Variants in GTF2F1 observed in about 807,000 individuals in gnomAD.
The protein encoded by GTF2F1 is general transcription factor IIF 74 kDa subunit.
Under a neutral mutation model 63.5 loss-of-function variants are expected in GTF2F1, and 39 were observed. The ratio of observed to expected loss-of-function variants is 0.61; its 90% CI spans 0.48 to 0.80. The LOEUF is 0.80. Among genes scored for constraint, GTF2F1 ranks in the 30% least tolerant of loss-of-function variants. The pLI is 0.00. For missense variants in GTF2F1, 657 were observed against 718.3 expected (o/e 0.91, Z 0.97); for synonymous variants, 287 against 285.3 (o/e 1.01, Z -0.06).
In GTF2F1 at chr19:6,380,760, G is replaced by T. The variant is rs1218668749; in HGVS notation, c.1232-70C>A. On this transcript the variant is annotated intron_variant, in intron 11 of 12. Coordinates refer to ENST00000394456, the MANE Select transcript of GTF2F1 (RefSeq NM_002096.3). The surrounding 1 kb of genome is among the most constrained non-coding windows in gnomAD (Gnocchi z 5.3). ...AACCCCTGGGCAGGACCCCAGGCTG[G>T]GCAGTGCCAGGATTAGGGTTCAAGG... 1 of 1,564,040 alleles carries T rather than the reference G, an allele frequency of 6.4e-7. No individual in the cohort carries two copies. The highest frequency in any genetic ancestry group is 2.2e-5 in the East Asian group (1 of 44,592).
chr19:6,390,753 G>A (rs1040326310), intron 3 of GTF2F1, among the ~76,000 whole-genome samples: 6 of 151,554 alleles, frequency 4.0e-5, no homozygotes, highest in South Asian at 2.1e-4. Context: ...GGTGGTGGGC[G>A]CCTGTAATCC....
intron 2 of GTF2F1, chr19:6,392,294 C>T (rs576420677): frequency 1.8e-5 from 9 of 492,088 alleles, no homozygotes; most frequent in Non-Finnish European, 2.4e-5. Flanking sequence ...CCCATCCTCT[C>T]CTGACCCCAG....
Position 6,380,789 on chromosome 19 carries a change from T to A in GTF2F1, c.1232-99A>T. ...GTGCCAGGATTAGGGTTCAAGGGGA[T>A]CAGGGAGAGACAGGCCTCCACCCGC... On this transcript the variant is annotated intron_variant, in intron 11 of 12. Coordinates refer to ENST00000394456, the MANE Select transcript of GTF2F1 (RefSeq NM_002096.3). The surrounding 1 kb of genome is among the most constrained non-coding windows in gnomAD (Gnocchi z 5.3). The A allele has an allele frequency of 2.0e-6, 3 of 1,528,134 alleles. No individual in the cohort carries two copies. Among genetic ancestry groups the A allele is most frequent in the Non-Finnish European group, 2.7e-6 (3 of 1,128,092 alleles). 94.7% of individuals were successfully genotyped at this position (1,528,134 alleles called of 1,614,324 possible). A position where few individuals can be genotyped will look rare whatever the true frequency, so the allele number is the denominator to read the frequency against.
At chr19:6,388,155 CCT>C (rs1330493474) in intron 4 of GTF2F1, among the ~76,000 whole-genome samples, 2 of 151,246 alleles carry the variant, frequency 1.3e-5, no homozygotes, top group Non-Finnish European at 3.0e-5. Flanking sequence ...GTTTCGAACC[CCT>C]GACCCCACGT....
chr19:6,382,776 T>C (rs564372877), intron 6 of GTF2F1, among the ~76,000 whole-genome samples: 108 of 133,920 alleles, frequency 8.1e-4, no homozygotes, highest in Non-Finnish European at 8.5e-4. Context: ...CCAGCCCATG[T>C]GAGAGAGAGA....
rs557666933 is a variant in GTF2F1, at chr19:6,380,945, G to A, written c.1190C>T (p.Thr397Ile). The part of the protein sequence containing the change: ...PGTPSAEGGS[T>I]SSTLRAAASK... ...GGCAGCCGCCCGCAGGGTGGAGGAG[G>A]TGCTGCCACCCTCTGCGCTGGGCGT... The change falls in exon 11 of 13, where the codon ACC (threonine) becomes ATC (isoleucine). Residue 397 changes from threonine to isoleucine, a missense_variant. Physicochemically the swap from Thr to Ile is moderately conservative, Grantham distance 89. Transcript: ENST00000394456. This position sits in a 1 kb window ranked among gnomAD's most constrained non-coding sequence, Gnocchi z 5.3. The A allele has an allele frequency of 2.8e-4, 452 of 1,588,790 alleles. 3 individuals carry two copies. The South Asian group carries it at 4.9e-3, about 17-fold the overall frequency.
chr19:6,386,514 A>C (rs762221784), intron 5 of GTF2F1, among the ~76,000 whole-genome samples: 42 of 152,094 alleles, frequency 2.8e-4, no homozygotes, highest in Non-Finnish European at 5.4e-4. Flanking sequence ...GGCAACATCT[A>C]GGATCACTGC....
At chr19:6,382,921 A>G (rs1014419680) in intron 6 of GTF2F1, among the ~76,000 whole-genome samples, 1 of 151,564 alleles carries the variant, frequency 6.6e-6, no homozygotes, top group African/African-American at 2.4e-5. Context: ...TTTTTCTCTG[A>G]GACGGAGTCT....
chr19:6,382,970 C>T (rs1292966318), intron 6 of GTF2F1, among the ~76,000 whole-genome samples: 4 of 152,040 alleles, frequency 2.6e-5, no homozygotes, highest in African/African-American at 7.2e-5. Context: ...GGCGTGATCT[C>T]GGCTCAACAC....
At position 6,392,841 on chromosome 19, in the gene GTF2F1, G is replaced by A. The variant is rs1418721748; in HGVS notation, c.59+16C>T. On this transcript the variant is annotated intron_variant, in intron 2 of 12. Transcript: ENST00000394456. Reference sequence around the variant, plus strand: ...TGGGGGGTGGAGAGGAGTGGGAGATGGGGCTGGGGACTTACTTAGGAACTC... The same window carrying A: ...TGGGGGGTGGAGAGGAGTGGGAGATAGGGCTGGGGACTTACTTAGGAACTC... The A allele has an allele frequency of 1.9e-6, 3 of 1,611,552 alleles. No homozygotes were observed. The South Asian group carries it at 3.3e-5, about 18-fold the overall frequency.
chr19:6,381,240 C>T lies in GTF2F1; in HGVS notation c.1019-45G>A, dbSNP rs759088805. 7 of 1,574,684 alleles carry T rather than the reference C, an allele frequency of 4.4e-6. No homozygotes were observed. In the Admixed American group the frequency reaches 7.4e-5, roughly 17 times the overall value. On this transcript the variant is annotated intron_variant, in intron 9 of 12. Coordinates refer to ENST00000394456, the MANE Select transcript of GTF2F1 (RefSeq NM_002096.3). This position sits in a 1 kb window ranked among gnomAD's most constrained non-coding sequence, Gnocchi z 4.1. ...GGTCAGGGCCAGAGCAACCCCGGGACCCGGTGCCCACTGGTGCCTCCACTG... is the reference window on the plus strand; with the variant it reads ...GGTCAGGGCCAGAGCAACCCCGGGATCCGGTGCCCACTGGTGCCTCCACTG...
Position 6,387,400 on chromosome 19 carries a change from C to T in GTF2F1, c.486G>A (p.Glu162=), listed in dbSNP as rs761396238. 1.2e-4 allele frequency: 198 copies of T among 1,613,976 alleles called. No individual in the cohort carries two copies. The highest frequency in any genetic ancestry group is 1.6e-4 in the Non-Finnish European group (187 of 1,179,954). The part of the protein sequence containing the change: ...HRTLTAEEAE[E]EWERRNKVLN... ...CCCAGCCCACTCACCTCTCCCACTC[C>T]TCCTCGGCCTCCTCGGCAGTGAGCG... The change falls in exon 5 of 13, where the codon GAG becomes GAA. Residue 162 remains glutamate (E), a synonymous_variant. Coordinates refer to ENST00000394456, the MANE Select transcript of GTF2F1 (RefSeq NM_002096.3).
intron 3 of GTF2F1, 88 bp downstream of exon 3, chr19:6,391,814 G>T: frequency 3.0e-6 from 2 of 671,060 alleles, no homozygotes; most frequent in South Asian, 1.8e-5. Flanking sequence ...TAGTGACTAT[G>T]ACAGTTAAGC....
Position 6,383,367 on chromosome 19 carries a change from T to G in GTF2F1, c.626A>C (p.Asp209Ala), listed in dbSNP as rs780260547. The change falls in exon 6 of 13, where the codon GAC (aspartate) becomes GCC (alanine). Residue 209 changes from aspartate (D) to alanine (A), a missense_variant. Physicochemically the swap from Asp to Ala is moderately radical, Grantham distance 126. Transcript: ENST00000394456. The surrounding 1 kb of genome is among the most constrained non-coding windows in gnomAD (Gnocchi z 4.5). ...RRKASELRIH[D>A]LEDDLEMSSD... ...CGACATCTCCAGGTCGTCCTCCAGGTCGTGGATGCGCAGCTCGCTCGCCTT... is the reference window on the plus strand; with the variant it reads ...CGACATCTCCAGGTCGTCCTCCAGGGCGTGGATGCGCAGCTCGCTCGCCTT... The G allele has an allele frequency of 3.2e-5, 51 of 1,614,096 alleles. 2 individuals carry two copies. In the South Asian group the frequency reaches 5.3e-4, roughly 17 times the overall value.
chr19:6,391,898 T>C lies in GTF2F1; in HGVS notation c.132+4A>G, dbSNP rs1220693957. 3.2e-6 allele frequency: 5 copies of C among 1,556,310 alleles called. No homozygotes were observed. Among genetic ancestry groups the C allele is most frequent in the Non-Finnish European group, 3.5e-6 (4 of 1,140,138 alleles). On this transcript the variant is annotated splice_donor_region_variant and intron_variant, in intron 3 of 12. Transcript: ENST00000394456. ...CCCCTGACCCCCAGGACTCAGAGAC[T>C]TACCTGATTCCACGTAGCAAAGTTG... is the stretch of plus-strand genomic sequence containing the variant.
chr19:6,380,770 G>T lies in GTF2F1; in HGVS notation c.1232-80C>A, dbSNP rs915317517. ...CAGGACCCCAGGCTGGGCAGTGCCAGGATTAGGGTTCAAGGGGATCAGGGA... is the reference window on the plus strand; with the variant it reads ...CAGGACCCCAGGCTGGGCAGTGCCATGATTAGGGTTCAAGGGGATCAGGGA... On this transcript the variant is annotated intron_variant, in intron 11 of 12. Coordinates refer to ENST00000394456, the MANE Select transcript of GTF2F1 (RefSeq NM_002096.3). This position sits in a 1 kb window ranked among gnomAD's most constrained non-coding sequence, Gnocchi z 5.3. 1 of 1,557,482 alleles carries T rather than the reference G, an allele frequency of 6.4e-7. No individual in the cohort carries two copies. Among genetic ancestry groups the T allele is most frequent in the Non-Finnish European group, 8.7e-7 (1 of 1,145,494 alleles).
chr19:6,385,287 C>T (rs1037340128), intron 5 of GTF2F1, among the ~76,000 whole-genome samples: 7 of 148,368 alleles, frequency 4.7e-5, no homozygotes, highest in South Asian at 2.1e-4. Flanking sequence ...CCCAGCTACT[C>T]GCAAGGCTGA....
At position 6,392,986 on chromosome 19, in the gene GTF2F1, G is replaced by C. The variant is rs201814326; in HGVS notation, c.10C>G (p.Leu4Val). 2 of 1,614,054 alleles carry C rather than the reference G, an allele frequency of 1.2e-6. No individual in the cohort carries two copies. Among genetic ancestry groups the C allele is most frequent in the African/African-American group, 1.3e-5 (1 of 74,946 alleles). ...AACCCCGCCAAATCCACACTCACTAGGGCCGCCATGGGCAATGGTCAGTGG... is the reference window on the plus strand; with the variant it reads ...AACCCCGCCAAATCCACACTCACTACGGCCGCCATGGGCAATGGTCAGTGG... MAA[L>V]GPSSQNVTEY... Residue 4 changes from leucine to valine, a missense_variant and splice_region_variant, in exon 1 of 13, where the codon CTA becomes GTA. This residue lies in a region of GTF2F1 where 602 missense variants were observed against 625.6 expected (regional missense o/e 0.96). Coordinates refer to ENST00000394456, the MANE Select transcript of GTF2F1 (RefSeq NM_002096.3).
intron 4 of GTF2F1, among the ~76,000 whole-genome samples, chr19:6,387,775 G>A (rs2091979428): frequency 1.3e-5 from 2 of 150,704 alleles, no homozygotes; most frequent in South Asian, 4.2e-4. Context: ...CTGGGCGTGT[G>A]CACATCGGGA....
Sources: allele counts gnomAD v4.1 joint callset (sites outside exome capture counted in the v4.1 genomes callset), GRCh38; gene constraint gnomAD v4.1.1; regional missense constraint gnomAD v4.1.1; non-coding constraint Gnocchi (gnomAD v3.1); transcripts MANE v1.5; gene names NCBI Gene and HGNC (gene_info 2026-07-23, HGNC 2026-07-21).